RORA: variants seen among roughly 807,000 people sequenced by gnomAD.
RORA encodes the protein nuclear receptor ROR-alpha.
Under a neutral mutation model 69.5 loss-of-function variants are expected in RORA, and 7 were observed. The observed-to-expected ratio is 0.10, with a 90% CI of 0.06 to 0.19. The LOEUF (loss-of-function observed/expected upper bound fraction) is 0.19. Ranked by LOEUF, RORA falls within the 10% of genes least tolerant of loss-of-function variation. The pLI, the probability that RORA is intolerant of heterozygous loss-of-function variation, is 1.00. For missense variants in RORA, 457 were observed against 663.0 expected (o/e 0.69, Z 3.41); for synonymous variants, 261 against 240.8 (o/e 1.08, Z -0.78).
At chr15:60,541,232 T>C (rs1268724737) in intron 2 of RORA, among the ~76,000 whole-genome samples, 1 of 152,216 alleles carries the variant, frequency 6.6e-6, no homozygotes, top group African/African-American at 2.4e-5. Context: ...TTCCAGGACA[T>C]GGTCATTAAC....
At chr15:61,142,287 A>G (rs1202831392) in intron 1 of RORA, among the ~76,000 whole-genome samples, 1 of 152,058 alleles carries the variant, frequency 6.6e-6, no homozygotes, top group Admixed American at 6.6e-5. Flanking sequence ...GCATCTCTCA[A>G]TTCCTCAGGA....
chr15:60,756,464 T>C (rs2071803166), intron 1 of RORA, among the ~76,000 whole-genome samples: 1 of 152,244 alleles, frequency 6.6e-6, no homozygotes, highest in Admixed American at 6.5e-5. Flanking sequence ...ATGATAACTT[T>C]ATAAATATAT....
intron 1 of RORA, among the ~76,000 whole-genome samples, chr15:60,923,019 A>G (rs1892098976): frequency 6.6e-6 from 1 of 152,196 alleles, no homozygotes; most frequent in East Asian, 1.9e-4. Context: ...AAGATCCTCA[A>G]ATAAACATAC....
At chr15:60,766,969 A>G (rs140581725) in intron 1 of RORA, among the ~76,000 whole-genome samples, 1 of 152,320 alleles carries the variant, frequency 6.6e-6, no homozygotes, top group Non-Finnish European at 1.5e-5. Flanking sequence ...GAGAGAAGAT[A>G]GAGATCAAAG....
At chr15:61,182,912 C>T (rs928601312) in intron 1 of RORA, 1 of 152,280 alleles carries the variant, frequency 6.6e-6, no homozygotes, top group African/African-American at 2.4e-5. Context: ...CCTTCTATAA[C>T]GTTCCTAACC....
chr15:60,601,317 A>G (rs1372086966), intron 2 of RORA, among the ~76,000 whole-genome samples: 2 of 151,076 alleles, frequency 1.3e-5, no homozygotes, highest in Non-Finnish European at 2.9e-5. Flanking sequence ...AATTACTACT[A>G]ATGAGGAAAC....
intron 1 of RORA, among the ~76,000 whole-genome samples, chr15:60,719,403 C>T (rs537192896): frequency 6.6e-6 from 1 of 152,168 alleles, no homozygotes; most frequent in Non-Finnish European, 1.5e-5. Flanking sequence ...GAGCACTGCA[C>T]TTTCTCTCAA....
chr15:60,855,142 T>C (rs1045672443), intron 1 of RORA, among the ~76,000 whole-genome samples: 2 of 152,200 alleles, frequency 1.3e-5, no homozygotes, highest in Non-Finnish European at 2.9e-5. Flanking sequence ...ATATAACTTC[T>C]TGGGAGACAC....
chr15:61,080,454 G>C (rs2078522556), intron 1 of RORA, among the ~76,000 whole-genome samples: 1 of 152,178 alleles, frequency 6.6e-6, no homozygotes, highest in Admixed American at 6.5e-5. Context: ...ACAGTAGCAG[G>C]TGTTCAATAA....
At chr15:61,111,848 G>T (rs1013132546) in intron 1 of RORA, among the ~76,000 whole-genome samples, 3 of 152,082 alleles carry the variant, frequency 2.0e-5, no homozygotes, top group African/African-American at 7.2e-5. Context: ...TCTTCCTAAG[G>T]ACTATGAGTT....
chr15:60,585,522 T>C (rs1292004506), intron 2 of RORA, among the ~76,000 whole-genome samples: 2 of 152,172 alleles, frequency 1.3e-5, no homozygotes, highest in African/African-American at 4.8e-5. Flanking sequence ...TTTATCATTT[T>C]TGAAAAAGAA....
At chr15:61,192,221 T>C (rs2079807118) in intron 1 of RORA, among the ~76,000 whole-genome samples, 1 of 152,264 alleles carries the variant, frequency 6.6e-6, no homozygotes, top group Non-Finnish European at 1.5e-5. Flanking sequence ...TCCTCTCATT[T>C]AGACAGGCTG....
At chr15:60,995,396 G>C (rs1894503572) in intron 1 of RORA, among the ~76,000 whole-genome samples, 1 of 152,192 alleles carries the variant, frequency 6.6e-6, no homozygotes, top group Non-Finnish European at 1.5e-5. Context: ...CTGGCCTTCA[G>C]GGCCTCATGG....
intron 2 of RORA, among the ~76,000 whole-genome samples, chr15:60,612,661 G>GTTTTTTTTTTTTTTTTTT (rs71122864): frequency 1.2e-4 from 13 of 107,156 alleles, no homozygotes; most frequent in East Asian, 2.7e-4. Flanking sequence ...CTCTCTCTCT[G>GTTTTTTTTTTTTTTTTTT]TTTTTTTTTT....
intron 2 of RORA, among the ~76,000 whole-genome samples, chr15:60,539,109 T>G (rs1188330056): frequency 1.3e-5 from 2 of 152,122 alleles, no homozygotes; most frequent in Non-Finnish European, 2.9e-5. Flanking sequence ...TTGACGATTT[T>G]TCTTCAGTCT....
chr15:61,047,207 C>T (rs1897072939), intron 1 of RORA, among the ~76,000 whole-genome samples: 1 of 152,256 alleles, frequency 6.6e-6, no homozygotes, highest in African/African-American at 2.4e-5. Flanking sequence ...TCCTTATGCC[C>T]AGCATCCAGG....
chr15:60,542,429 G>C (rs939233446), intron 2 of RORA, among the ~76,000 whole-genome samples: 3 of 149,296 alleles, frequency 2.0e-5, no homozygotes, highest in African/African-American at 7.7e-5. Context: ...CACCACAGAT[G>C]CACACCTCAC....
At chr15:60,581,854 T>C in intron 2 of RORA, among the ~76,000 whole-genome samples, 1 of 152,238 alleles carries the variant, frequency 6.6e-6, no homozygotes, top group East Asian at 1.9e-4. Context: ...AGCTTAGTTC[T>C]GTTTTTCTTT....
At chr15:60,840,121 G>A (rs2073176292) in intron 1 of RORA, among the ~76,000 whole-genome samples, 1 of 152,136 alleles carries the variant, frequency 6.6e-6, no homozygotes, top group Admixed American at 6.5e-5. Context: ...GGGAGGAAGA[G>A]ACCTGGGTCT....
Sources: gnomAD v4.1 joint callset for allele counts (sites outside exome capture counted in the v4.1 genomes callset) on GRCh38, gnomAD v4.1.1 for gene constraint, MANE v1.5 for transcripts, NCBI Gene and HGNC (gene_info 2026-07-23, HGNC 2026-07-21) for gene names.